The following PCBD2 variants were observed in gnomAD, a reference collection of about 807,000 sequenced individuals.
The protein encoded by PCBD2 is pterin-4-alpha-carbinolamine dehydratase 2.
PCBD2 carries 12 observed loss-of-function variants against 16.4 expected under a neutral mutation model. The observed-to-expected ratio is 0.73, with a 90% CI of 0.47 to 1.19. PCBD2 has a LOEUF of 1.19. Among genes scored for constraint, PCBD2 ranks in the 50% most tolerant of loss-of-function variants. PCBD2 has a pLI of 0.00. For missense variants in PCBD2, 138 were observed against 156.8 expected, an observed-to-expected ratio of 0.88 and a Z score of 0.64; for synonymous variants, 58 against 61.8, an observed-to-expected ratio of 0.94 and a Z score of 0.29.
chr5:134,926,721 A>G (rs1263851611), intron 2 of PCBD2: 1 of 397,428 alleles, frequency 2.5e-6, no homozygotes, highest in Non-Finnish European at 4.4e-6. Context: ...GGATAGGTGT[A>G]TGAACATGAG....
At chr5:134,906,938 C>T (rs916052318) in intron 1 of PCBD2, among the ~76,000 whole-genome samples, 2 of 152,206 alleles carry the variant, frequency 1.3e-5, no homozygotes, top group African/African-American at 4.8e-5. Flanking sequence ...TGAATGTGCC[C>T]TCATGGGGGC....
intron 2 of PCBD2, among the ~76,000 whole-genome samples, chr5:134,915,322 GA>G (rs1026857616): frequency 2.1e-5 from 3 of 144,610 alleles, no homozygotes; most frequent in East Asian, 2.0e-4. Flanking sequence ...CTCAAAAAAA[GA>G]AAAAAAAGGA....
At chr5:134,960,409 G>C (rs2149542011) in intron 3 of PCBD2, among the ~76,000 whole-genome samples, 177 bp from the exon 4 acceptor site, 1 of 152,236 alleles carries the variant, frequency 6.6e-6, no homozygotes, top group Non-Finnish European at 1.5e-5. Context: ...TATGCCCCTG[G>C]AGTTCGCTGG....
intron 2 of PCBD2, among the ~76,000 whole-genome samples, chr5:134,932,656 C>CT (rs1561911435): frequency 1.3e-5 from 2 of 151,422 alleles, no homozygotes; most frequent in South Asian, 4.2e-4. Context: ...TTTAATTTTA[C>CT]TTTTTTTTGT....
At chr5:134,914,929 T>A (rs1580878205) in intron 2 of PCBD2, among the ~76,000 whole-genome samples, 2 of 152,310 alleles carry the variant, frequency 1.3e-5, no homozygotes, top group East Asian at 3.9e-4. Context: ...CGCCTCGGCC[T>A]ACCAAAGTGT....
intron 3 of PCBD2, 117 bp downstream of exon 3, chr5:134,959,237 TC>T: frequency 1.4e-6 from 1 of 726,874 alleles, no homozygotes; most frequent in Non-Finnish European, 2.2e-6. Flanking sequence ...TTATCCTTTC[TC>T]TCAGAATCCC....
chr5:134,908,526 G>A (rs888011748), intron 1 of PCBD2, among the ~76,000 whole-genome samples: 3 of 151,924 alleles, frequency 2.0e-5, no homozygotes, highest in Non-Finnish European at 2.9e-5. Context: ...TTAGCTGGGC[G>A]TGGTGGCATG....
In PCBD2 at chr5:134,962,072, T is replaced by G. The variant is rs140699162; in HGVS notation, c.*1391T>G. ...CATTGCCCCCAGCCAGTATAACAGT[T>G]TGTGTGTGTGTGTGTGTGTGTGTGT... On this transcript the variant is annotated 3_prime_UTR_variant, in exon 4 of 4. Coordinates refer to ENST00000254908, the MANE Select transcript of PCBD2 (RefSeq NM_032151.5). Among the ~76,000 whole-genome samples, 1 of 140,492 alleles carries G rather than the reference T, an allele frequency of 7.1e-6. No homozygotes were observed. The highest frequency in any genetic ancestry group is 2.7e-5 in the African/African-American group (1 of 36,952). The allele number at this position is 140,492 out of a possible 152,430, so 92.2% of individuals were successfully genotyped here.
intron 2 of PCBD2, among the ~76,000 whole-genome samples, chr5:134,934,115 G>T (rs185826937): frequency 6.6e-6 from 1 of 152,088 alleles, no homozygotes; most frequent in Non-Finnish European, 1.5e-5. Context: ...TTCAGGAAGG[G>T]TTTCCTGAAA....
chr5:134,940,974 G>A (rs1751219665), intron 2 of PCBD2, among the ~76,000 whole-genome samples: 2 of 152,050 alleles, frequency 1.3e-5, no homozygotes, highest in African/African-American at 2.4e-5. Context: ...ACAAAAATTA[G>A]CGTGGTGGCG....
At chr5:134,928,484 G>A (rs1349170739) in intron 2 of PCBD2, 1 of 312,298 alleles carries the variant, frequency 3.2e-6, no homozygotes, top group Non-Finnish European at 5.9e-6. Context: ...GACTATTAGT[G>A]GTAAGTTAGT....
chr5:134,925,865 G>A, intron 2 of PCBD2: 4 of 393,902 alleles, frequency 1.0e-5, no homozygotes, highest in Non-Finnish European at 1.8e-5. Context: ...GTTATTTGTT[G>A]TGGGTCTCAT....
At chr5:134,948,088 T>G (rs1751319320) in intron 2 of PCBD2, among the ~76,000 whole-genome samples, 1 of 151,928 alleles carries the variant, frequency 6.6e-6, no homozygotes, top group Non-Finnish European at 1.5e-5. Context: ...TTGGGGTGGT[T>G]TTAAAACCAG....
At chr5:134,908,439 C>T (rs565986906) in intron 1 of PCBD2, among the ~76,000 whole-genome samples, 13 of 152,004 alleles carry the variant, frequency 8.6e-5, no homozygotes, top group East Asian at 3.9e-4. Flanking sequence ...CTAAGGTGGG[C>T]GGATCCCTCG....
chr5:134,925,186 C>T (rs546043241), intron 2 of PCBD2: 11 of 398,182 alleles, frequency 2.8e-5, no homozygotes, highest in South Asian at 1.3e-4. Context: ...AAGAATTATT[C>T]GAGTGCTATA....
chr5:134,928,080 T>TG, intron 2 of PCBD2: 1 of 394,040 alleles, frequency 2.5e-6, no homozygotes, highest in East Asian at 3.6e-5. Context: ...CCATACGTGT[T>TG]GGAGATTGAG....
intron 2 of PCBD2, among the ~76,000 whole-genome samples, chr5:134,937,405 G>T (rs1751172224): frequency 1.3e-5 from 2 of 152,126 alleles, no homozygotes; most frequent in Admixed American, 1.3e-4. Context: ...TTGGTATTCT[G>T]AGACTAGGTT....
chr5:134,942,028 G>T (rs984292802), intron 2 of PCBD2, among the ~76,000 whole-genome samples: 7 of 151,396 alleles, frequency 4.6e-5, no homozygotes, highest in East Asian at 1.9e-4. Flanking sequence ...TACTTGGGGG[G>T]GCTGAGGCAG....
intron 2 of PCBD2, among the ~76,000 whole-genome samples, chr5:134,933,214 C>T (rs1465640491): frequency 4.6e-5 from 7 of 152,134 alleles, no homozygotes; most frequent in Admixed American, 4.6e-4. Context: ...ATTTTCACAT[C>T]AGTAAAATAT....
Sources: allele counts gnomAD v4.1 joint callset (sites outside exome capture counted in the v4.1 genomes callset), GRCh38; gene constraint gnomAD v4.1.1; transcripts MANE v1.5; gene names NCBI Gene and HGNC (gene_info 2026-07-23, HGNC 2026-07-21).